Variants in TRMT9B observed in about 807,000 individuals in gnomAD.
TRMT9B encodes the protein tRNA methyltransferase 9B (putative), also known as probable tRNA methyltransferase 9B.
In TRMT9B, 16 loss-of-function variants were observed where a neutral mutation model predicts 11.5. That is an observed-to-expected ratio of 1.39 (90% CI 0.94 to 2.11). The LOEUF is 2.11. Ranked by LOEUF, TRMT9B falls within the 30% of genes most tolerant of loss-of-function variation. The pLI is 0.00. For synonymous variants in TRMT9B, 274 were observed against 192.4 expected (o/e 1.42, Z -3.51); for missense variants, 941 against 553.8 (o/e 1.70, Z -7.02).
rs768771870 is a variant in TRMT9B, at chr8:13,012,771, G to A, written c.242G>A (p.Arg81Gln). 1.2e-5 allele frequency: 19 copies of A among 1,613,778 alleles called. No individual in the cohort carries two copies. Among genetic ancestry groups the A allele is most frequent in the South Asian group, 7.7e-5 (7 of 91,080 alleles). ...DYCGPLVEIA[R>Q]NRGCEAMVCD... ...TGTGGGCCACTGGTAGAGATTGCCCGGAATAGAGGATGTGAAGCCATGGTA... is the reference window on the plus strand; with the variant it reads ...TGTGGGCCACTGGTAGAGATTGCCCAGAATAGAGGATGTGAAGCCATGGTA... Residue 81 changes from arginine to glutamine, a missense_variant, in exon 4 of 5, where the codon CGG becomes CAG. By Grantham distance (43) the Arg-to-Gln change is conservative. Coordinates refer to ENST00000524591, the MANE Select transcript of TRMT9B (RefSeq NM_020844.3).
In TRMT9B at chr8:13,025,495, C is replaced by T. The variant is rs184257682; in HGVS notation, c.*3451C>T. ...TTGTGCCATTGCACTCCAACCTGGG[C>T]AACAAGAGTGAAACTCCATCTCCAA... On this transcript the variant is annotated 3_prime_UTR_variant, in exon 5 of 5. Coordinates refer to ENST00000524591, the MANE Select transcript of TRMT9B (RefSeq NM_020844.3). 346 of 164,760 alleles carry T rather than the reference C, an allele frequency of 2.1e-3. No individual in the cohort carries two copies. Among genetic ancestry groups the T allele is most frequent in the African/African-American group, 7.8e-3 (324 of 41,570 alleles). 10.2% of individuals were successfully genotyped at this position (164,760 alleles called of 1,614,324 possible).
At chr8:12,991,825 G>A (rs891041310) in intron 2 of TRMT9B, among the ~76,000 whole-genome samples, 8 of 152,056 alleles carry the variant, frequency 5.3e-5, no homozygotes, top group Admixed American at 5.2e-4. Flanking sequence ...CAACTACTCG[G>A]GAGGCTGGGT....
chr8:13,010,710 C>G (rs17123380), intron 3 of TRMT9B: 160,336 of 982,362 alleles, frequency 0.16, 13,594 homozygotes, highest in African/African-American at 0.27. Flanking sequence ...AAGTAACTTT[C>G]CCTTTCATTT....
At chr8:12,952,031 C>T (rs1166001303) in intron 1 of TRMT9B, 2 of 177,146 alleles carry the variant, frequency 1.1e-5, no homozygotes, top group South Asian at 8.1e-5. Context: ...TCTATTTTTT[C>T]CTCTTCCTTT....
intron 1 of TRMT9B, among the ~76,000 whole-genome samples, chr8:12,948,932 C>A (rs907825929): frequency 5.9e-5 from 9 of 152,170 alleles, no homozygotes; most frequent in African/African-American, 2.2e-4. Flanking sequence ...TGCACTCCAG[C>A]CTGGGTGACA....
rs377496463 is a variant in TRMT9B, at chr8:12,980,101, C to T, written c.-199-10733C>T. On this transcript the variant is annotated intron_variant, in intron 1 of 4. Transcript: ENST00000524591. The stretch of plus-strand genomic sequence containing the variant: ...TCCCGGGGCTGCTGTAATAAATGAC[C>T]ACAAAGTGGGTGGCTGAAAACAACA... Among the ~76,000 whole-genome samples the T allele has an allele frequency of 5.3e-5, 8 of 152,286 alleles. No individual in the cohort carries two copies. In the East Asian group the frequency reaches 1.2e-3, roughly 22 times the overall value.
At position 13,010,149 on chromosome 8, in the gene TRMT9B, A is replaced by G. The variant is rs564848067; in HGVS notation, c.155-2535A>G. The G allele has an allele frequency of 2.1e-3, 1,515 of 717,580 alleles. 3 individuals are homozygous for G. Among genetic ancestry groups the G allele is most frequent in the Non-Finnish European group, 2.5e-3 (1,452 of 586,404 alleles). The allele number at this position is 717,580 out of a possible 1,614,324, so 44.5% of individuals were successfully genotyped here. Reference sequence around the variant, plus strand: ...TGAGACCCTATCTGAAAAAAAAAAAAAAAGTCTCACAAATAATATTCTTTA... The same window carrying G: ...TGAGACCCTATCTGAAAAAAAAAAAGAAAGTCTCACAAATAATATTCTTTA... On this transcript the variant is annotated intron_variant, in intron 3 of 4. Transcript: ENST00000524591.
chr8:12,995,648 T>A (rs996377175), intron 2 of TRMT9B, among the ~76,000 whole-genome samples: 1 of 152,188 alleles, frequency 6.6e-6, no homozygotes, highest in African/African-American at 2.4e-5. Flanking sequence ...CTGATACACA[T>A]GTTTGTCTTC....
Position 13,021,133 on chromosome 8 carries a change from G to C in TRMT9B, c.454G>C (p.Glu152Gln). 6.2e-7 allele frequency: 1 copy of C among 1,613,706 alleles called. No homozygotes were observed. The stretch of plus-strand genomic sequence containing the variant: ...AATGGAACAAAAGAACCGTCACTTT[G>C]AGAAGCAAGACGTGCTTGTTCCATG... The part of the protein sequence containing the change: ...WAMEQKNRHF[E>Q]KQDVLVPWNR... The change falls in exon 5 of 5, where the codon GAG (glutamate) becomes CAG (glutamine). Residue 152 changes from glutamate (E) to glutamine (Q), a missense_variant. Transcript: ENST00000524591.
Position 13,021,319 on chromosome 8 carries a change from A to G in TRMT9B, c.640A>G (p.Ser214Gly), listed in dbSNP as rs779837338. 93 of 1,613,938 alleles carry G rather than the reference A, an allele frequency of 5.8e-5. 2 individuals are homozygous for G. In the South Asian group the frequency reaches 7.1e-4, roughly 12 times the overall value. ...GCAGTGTGGTTCAAAACGGTCCCAC[A>G]GCGTGGGCTATGAACCTGCTATGGC... Reference protein sequence around the residue: ...KEQCGSKRSHSVGYEPAMART... With the variant: ...KEQCGSKRSHGVGYEPAMART... Residue 214 changes from serine to glycine, a missense_variant, in exon 5 of 5, where the codon AGC becomes GGC. Ser to Gly is a moderately conservative substitution (Grantham distance 56). Coordinates refer to ENST00000524591, the MANE Select transcript of TRMT9B (RefSeq NM_020844.3).
intron 1 of TRMT9B, among the ~76,000 whole-genome samples, chr8:12,989,901 G>A (rs1054190965): frequency 2.6e-5 from 4 of 152,216 alleles, no homozygotes; most frequent in African/African-American, 9.7e-5. Context: ...ATATGAGTGA[G>A]ATGTAGCTGG....
chr8:12,976,112 C>T (rs1466951515), intron 1 of TRMT9B, among the ~76,000 whole-genome samples: 1 of 152,196 alleles, frequency 6.6e-6, no homozygotes, highest in African/African-American at 2.4e-5. Flanking sequence ...CTCCACCATG[C>T]CAAGAGTCTT....
chr8:12,979,145 C>G (rs1004695443), intron 1 of TRMT9B, among the ~76,000 whole-genome samples: 9 of 152,122 alleles, frequency 5.9e-5, no homozygotes, highest in African/African-American at 2.2e-4. Flanking sequence ...GAATGGCAGG[C>G]CTATGAGGAA....
intron 1 of TRMT9B, among the ~76,000 whole-genome samples, chr8:12,971,201 C>T (rs1451155968): frequency 6.6e-6 from 1 of 152,120 alleles, no homozygotes; most frequent in African/African-American, 2.4e-5. Flanking sequence ...TTATCAAATA[C>T]TGGTATTTAT....
intron 1 of TRMT9B, among the ~76,000 whole-genome samples, chr8:12,989,257 C>G (rs1430278045): frequency 6.6e-6 from 1 of 152,140 alleles, no homozygotes. Context: ...TCTTTCAATA[C>G]TAAATATGAC....
In TRMT9B at chr8:13,022,019, C is replaced by T; in HGVS notation, c.1340C>T (p.Ala447Val). The change falls in exon 5 of 5, where the codon GCA (alanine) becomes GTA (valine). Residue 447 changes from alanine (A) to valine (V), a missense_variant. Ala to Val is a moderately conservative substitution (Grantham distance 64). Coordinates refer to ENST00000524591, the MANE Select transcript of TRMT9B (RefSeq NM_020844.3). ...GATCATGGTAACTGGTGTATCATTG[C>T]AGAGAAAAAGAGAGGTTGTGATTGA... The part of the protein sequence containing the change: ...GNDHGNWCII[A>V]EKKRGCD The T allele has an allele frequency of 6.9e-6, 11 of 1,597,500 alleles. No homozygotes were observed. Among genetic ancestry groups the T allele is most frequent in the Non-Finnish European group, 9.4e-6 (11 of 1,173,936 alleles).
rs542492726 is a variant in TRMT9B, at chr8:12,949,553, G to A, written c.-200+3587G>A. Among the ~76,000 whole-genome samples, 8 of 152,108 alleles carry A rather than the reference G, an allele frequency of 5.3e-5. No individual in the cohort carries two copies. In the South Asian group the frequency reaches 1.7e-3, roughly 32 times the overall value. On this transcript the variant is annotated intron_variant, in intron 1 of 4. Transcript: ENST00000524591. The stretch of plus-strand genomic sequence containing the variant: ...TGGTCACTGAAATGCCGCTTATGAT[G>A]GCCTCAACTAGAAAAATCTCTTTAT...
intron 3 of TRMT9B, chr8:13,011,762 T>G: frequency 7.3e-6 from 7 of 964,720 alleles, no homozygotes; most frequent in Non-Finnish European, 8.6e-6. Context: ...AAAAAAGTAG[T>G]TTTTATAATC....
intron 1 of TRMT9B, among the ~76,000 whole-genome samples, chr8:12,987,533 T>C (rs1806537477): frequency 6.6e-6 from 1 of 151,854 alleles, no homozygotes. Flanking sequence ...TCTACAAAAA[T>C]CACAAAATTA....
Sources: gnomAD v4.1 joint callset for allele counts (sites outside exome capture counted in the v4.1 genomes callset) on GRCh38, gnomAD v4.1.1 for gene constraint, MANE v1.5 for transcripts, NCBI Gene and HGNC (gene_info 2026-07-23, HGNC 2026-07-21) for gene names.